The following CTNNA2 variants were observed in gnomAD, a reference collection of about 807,000 sequenced individuals.
The protein encoded by CTNNA2 is catenin alpha-2.
In CTNNA2, 42 loss-of-function variants were observed where a neutral mutation model predicts 101.0. The observed-to-expected ratio is 0.42, with a 90% CI of 0.32 to 0.54. The LOEUF (loss-of-function observed/expected upper bound fraction) is 0.54. CTNNA2 is among the 20% of genes least tolerant of loss of function. CTNNA2 has a pLI of 0.14. For missense variants in CTNNA2, 871 were observed against 1,223.1 expected, an observed-to-expected ratio of 0.71 and a Z score of 4.29; for synonymous variants, 450 against 456.4, an observed-to-expected ratio of 0.99 and a Z score of 0.18.
chr2:79,451,213 A>G (rs1397437026), intron 4 of CTNNA2, among the ~76,000 whole-genome samples: 1 of 152,144 alleles, frequency 6.6e-6, no homozygotes, highest in East Asian at 1.9e-4. Flanking sequence ...ACTGACTTGA[A>G]TGATAATTTT....
rs145192178 is a variant in CTNNA2 at position 80,484,612 on chromosome 2, G to A, written c.1291-60370G>A. On this transcript the variant is annotated intron_variant, in intron 9 of 18. Transcript: ENST00000402739. ...AATGCAAACCTGAGAAATTGCTGTAGGACAGCTATCATTGTTTTGATACCA... is the reference window on the plus strand; with the variant it reads ...AATGCAAACCTGAGAAATTGCTGTAAGACAGCTATCATTGTTTTGATACCA... Among the ~76,000 whole-genome samples the A allele has an allele frequency of 3.4e-3, 514 of 152,220 alleles. 2 individuals are homozygous for A. The highest frequency in any genetic ancestry group is 0.012 in the African/African-American group (490 of 41,544).
chr2:79,856,548 A>G (rs368264623), intron 3 of CTNNA2, among the ~76,000 whole-genome samples: 16 of 152,172 alleles, frequency 1.1e-4, no homozygotes, highest in Non-Finnish European at 2.2e-4. Flanking sequence ...TGAAGCTTTT[A>G]TACCCCTGTG....
chr2:79,589,666 A>G (rs1045248279), intron 1 of CTNNA2, among the ~76,000 whole-genome samples: 36 of 151,980 alleles, frequency 2.4e-4, no homozygotes, highest in Non-Finnish European at 4.0e-4. Context: ...AGAACGATGT[A>G]TGGCCTGAAT....
chr2:79,218,331 G>A lies in CTNNA2; in HGVS notation c.-406+20255G>A, dbSNP rs917123373. On this transcript the variant is annotated intron_variant, in intron 2 of 21. Transcript: ENST00000466387. ...GAACTTTGTGTGTGTGTGTGTGTGTGTGTGTGTGTGTGTGTGTGTATTTTT... is the reference window on the plus strand; with the variant it reads ...GAACTTTGTGTGTGTGTGTGTGTGTATGTGTGTGTGTGTGTGTGTATTTTT... Among the ~76,000 whole-genome samples, 546 of 78,040 alleles carry A rather than the reference G, an allele frequency of 7.0e-3. 2 individuals are homozygous for A. Among genetic ancestry groups the A allele is most frequent in the African/African-American group, 0.02 (531 of 26,364 alleles). The allele number at this position is 78,040 out of a possible 152,430, so 51.2% of individuals were successfully genotyped here. A position where few individuals can be genotyped will look rare whatever the true frequency, so the allele number is the denominator to read the frequency against.
intron 11 of CTNNA2, among the ~76,000 whole-genome samples, chr2:80,554,971 T>C (rs1269730844): frequency 6.6e-6 from 1 of 152,196 alleles, no homozygotes; most frequent in Admixed American, 6.5e-5. Context: ...GCCTCCCCTC[T>C]ATGCCTGCTT....
At chr2:79,987,264 G>T (rs893670644) in intron 7 of CTNNA2, among the ~76,000 whole-genome samples, 3 of 152,298 alleles carry the variant, frequency 2.0e-5, no homozygotes, top group Middle Eastern at 3.4e-3. Flanking sequence ...CAGGGTCTGT[G>T]TGTGAGGATC....
At chr2:79,475,245 T>C (rs1671038878) in intron 4 of CTNNA2, among the ~76,000 whole-genome samples, 1 of 152,006 alleles carries the variant, frequency 6.6e-6, no homozygotes. Flanking sequence ...CTGTGTTTTT[T>C]TCACAGGTTA....
At chr2:79,893,562 T>G (rs1684454452) in intron 6 of CTNNA2, among the ~76,000 whole-genome samples, 1 of 152,204 alleles carries the variant, frequency 6.6e-6, no homozygotes, top group Non-Finnish European at 1.5e-5. Context: ...CAACCTAAAT[T>G]AATATATGGT....
intron 9 of CTNNA2, among the ~76,000 whole-genome samples, chr2:80,510,624 A>C (rs1265852154): frequency 6.6e-6 from 1 of 152,226 alleles, no homozygotes; most frequent in Non-Finnish European, 1.5e-5. Context: ...TGCTGAAAAA[A>C]TTGGTCATAT....
chr2:79,748,990 C>T (rs187848213), intron 3 of CTNNA2, among the ~76,000 whole-genome samples: 17 of 152,124 alleles, frequency 1.1e-4, no homozygotes, highest in African/African-American at 3.6e-4. Context: ...GGCTTACCTA[C>T]GGGGGAGAAG....
At chr2:80,419,655 A>C in intron 9 of CTNNA2, 54 bp downstream of exon 9, 9 of 1,547,074 alleles carry the variant, frequency 5.8e-6, no homozygotes, top group Non-Finnish European at 7.9e-6. Context: ...CAATCTCTGC[A>C]TATGGCTCTT....
At chr2:79,578,606 G>A (rs1420210193) in intron 1 of CTNNA2, among the ~76,000 whole-genome samples, 4 of 152,076 alleles carry the variant, frequency 2.6e-5, no homozygotes, top group African/African-American at 9.7e-5. Flanking sequence ...TGGGTAACCA[G>A]TTGTCTCAGT....
At chr2:80,644,187 A>ACGTTACCTC (rs1431165064) in intron 18 of CTNNA2, among the ~76,000 whole-genome samples, 1 of 152,104 alleles carries the variant, frequency 6.6e-6, no homozygotes, top group African/African-American at 2.4e-5. Context: ...ACAACAACTT[A>ACGTTACCTC]CGTTACCTCC....
intron 7 of CTNNA2, among the ~76,000 whole-genome samples, chr2:80,192,263 A>G (rs961803073): frequency 6.6e-6 from 1 of 152,224 alleles, no homozygotes; most frequent in Non-Finnish European, 1.5e-5. Context: ...ACGTACAGGC[A>G]AGACTGAAGT....
chr2:79,764,591 AG>A (rs1431343084), intron 3 of CTNNA2, among the ~76,000 whole-genome samples: 1 of 152,214 alleles, frequency 6.6e-6, no homozygotes, highest in African/African-American at 2.4e-5. Flanking sequence ...AAACAAAGAC[AG>A]GATTTGCATT....
At chr2:80,408,462 T>A (rs1044886948) in intron 8 of CTNNA2, among the ~76,000 whole-genome samples, 42 of 152,312 alleles carry the variant, frequency 2.8e-4, no homozygotes, top group African/African-American at 9.9e-4. Context: ...TCTTTCCCAA[T>A]TACCAATTAA....
chr2:79,728,687 T>G (rs534776133), intron 2 of CTNNA2, among the ~76,000 whole-genome samples: 102 of 152,312 alleles, frequency 6.7e-4, no homozygotes, highest in African/African-American at 2.3e-3. Flanking sequence ...TAGGTTTTCT[T>G]ATAGGGTTTT....
chr2:80,478,966 G>T (rs1268442356), intron 9 of CTNNA2, among the ~76,000 whole-genome samples: 1 of 151,520 alleles, frequency 6.6e-6, no homozygotes, highest in African/African-American at 2.4e-5. Context: ...GCTTTGGGCA[G>T]TATGGCCATT....
chr2:80,356,124 A>G (rs1164648085), intron 7 of CTNNA2, among the ~76,000 whole-genome samples: 1 of 152,114 alleles, frequency 6.6e-6, no homozygotes, highest in Non-Finnish European at 1.5e-5. Context: ...CTGCAGAGCA[A>G]TAAGATAGGG....
Sources: allele counts gnomAD v4.1 joint callset (sites outside exome capture counted in the v4.1 genomes callset), GRCh38; gene constraint gnomAD v4.1.1; transcripts MANE v1.5; gene names NCBI Gene and HGNC (gene_info 2026-07-23, HGNC 2026-07-21).